SLC39A11: variants seen among roughly 807,000 people sequenced by gnomAD.
SLC39A11 encodes the protein solute carrier family 39 member 11.
Under a neutral mutation model 36.1 loss-of-function variants are expected in SLC39A11, and 33 were observed. That is an observed-to-expected ratio of 0.91 (90% CI 0.69 to 1.22). The LOEUF (loss-of-function observed/expected upper bound fraction) is 1.22. Among genes scored for constraint, SLC39A11 ranks in the 50% most tolerant of loss-of-function variants. The probability of loss-of-function intolerance (pLI) is 0.00; values close to 1 mark genes in which losing one functional copy is unlikely to be tolerated. For synonymous variants in SLC39A11, 166 were observed against 170.3 expected, an observed-to-expected ratio of 0.97 and a Z score of 0.20; for missense variants, 432 against 430.3, an observed-to-expected ratio of 1.00 and a Z score of -0.03.
intron 3 of SLC39A11, 141 bp from the exon 4 acceptor site, chr17:73,031,855 T>C (rs1021633933): frequency 2.7e-5 from 23 of 839,942 alleles, no homozygotes; most frequent in Admixed American, 1.5e-4. Flanking sequence ...TGGGAGGTAC[T>C]ATCAGAAACC....
chr17:72,750,402 C>T (rs1223657479), intron 6 of SLC39A11, among the ~76,000 whole-genome samples: 2 of 148,448 alleles, frequency 1.3e-5, no homozygotes, highest in Admixed American at 1.4e-4. Flanking sequence ...CTAGCACACA[C>T]TTGACTATGG....
chr17:72,963,336 A>G (rs1277978315), intron 4 of SLC39A11, among the ~76,000 whole-genome samples: 2 of 151,576 alleles, frequency 1.3e-5, no homozygotes, highest in African/African-American at 4.9e-5. Context: ...ACGCCCGGCT[A>G]ATTTTTTGTA....
At chr17:72,824,225 A>G (rs1251309665) in intron 6 of SLC39A11, among the ~76,000 whole-genome samples, 1 of 150,696 alleles carries the variant, frequency 6.6e-6, no homozygotes, top group African/African-American at 2.4e-5. Flanking sequence ...ATGAAATCTC[A>G]TTGTTTAAAA....
At chr17:72,651,416 G>A (rs958910297) in intron 7 of SLC39A11, among the ~76,000 whole-genome samples, 1 of 152,178 alleles carries the variant, frequency 6.6e-6, no homozygotes, top group African/African-American at 2.4e-5. Flanking sequence ...GAATGCATCA[G>A]GAGCCTGCAG....
chr17:72,690,517 T>A (rs999738037), intron 7 of SLC39A11, among the ~76,000 whole-genome samples: 3 of 152,220 alleles, frequency 2.0e-5, no homozygotes, highest in Non-Finnish European at 2.9e-5. Context: ...CACATGTGCA[T>A]GGCAGCATTA....
chr17:72,902,914 T>C (rs941835916), intron 5 of SLC39A11, among the ~76,000 whole-genome samples: 4 of 151,560 alleles, frequency 2.6e-5, no homozygotes, highest in Non-Finnish European at 5.9e-5. Flanking sequence ...TATTTTGTTT[T>C]TTGTTCTTCT....
At chr17:73,081,934 A>G (rs1191800351) in intron 3 of SLC39A11, among the ~76,000 whole-genome samples, 1 of 151,350 alleles carries the variant, frequency 6.6e-6, no homozygotes, top group African/African-American at 2.4e-5. Flanking sequence ...TAAGAATGAT[A>G]CAATGGACTC....
chr17:72,749,730 C>T (rs1464269384), intron 6 of SLC39A11, among the ~76,000 whole-genome samples: 1 of 152,102 alleles, frequency 6.6e-6, no homozygotes, highest in East Asian at 1.9e-4. Context: ...CCCCACACTG[C>T]ACACCGAAGG....
intron 3 of SLC39A11, among the ~76,000 whole-genome samples, chr17:73,074,495 C>T (rs1231229565): frequency 1.3e-5 from 2 of 152,100 alleles, no homozygotes; most frequent in East Asian, 3.8e-4. Context: ...GACAGGGTTT[C>T]ACCATGTTGG....
chr17:72,958,293 T>G (rs1162098063), intron 4 of SLC39A11, among the ~76,000 whole-genome samples: 1 of 152,224 alleles, frequency 6.6e-6, no homozygotes, highest in Admixed American at 6.5e-5. Context: ...TTCTAGACAT[T>G]GGTTTAGGCA....
intron 5 of SLC39A11, among the ~76,000 whole-genome samples, chr17:72,930,314 T>C (rs2084307514): frequency 6.6e-6 from 1 of 152,152 alleles, no homozygotes; most frequent in Non-Finnish European, 1.5e-5. Context: ...GTCCTATAAA[T>C]TGGTGAGCTA....
intron 3 of SLC39A11, among the ~76,000 whole-genome samples, chr17:73,040,381 C>T (rs2059066722): frequency 6.6e-6 from 1 of 152,164 alleles, no homozygotes; most frequent in Non-Finnish European, 1.5e-5. Flanking sequence ...AGGTACGCCT[C>T]CCTCTGCTGT....
At chr17:72,649,644 C>CTTTTTTTTTTTTTTT (rs5821920) in intron 7 of SLC39A11, among the ~76,000 whole-genome samples, 8 of 138,186 alleles carry the variant, frequency 5.8e-5, no homozygotes, top group South Asian at 2.3e-4. Context: ...TTTTCTTTTT[C>CTTTTTTTTTTTTTTT]TTTTTTTTTT....
chr17:72,907,895 G>A lies in SLC39A11; in HGVS notation c.430+39857C>T, dbSNP rs2082744536. Among the ~76,000 whole-genome samples, 3 of 152,350 alleles carry A rather than the reference G, an allele frequency of 2.0e-5. No homozygotes were observed. In the South Asian group the frequency reaches 6.2e-4, roughly 32 times the overall value. ...CCAAAGCGGGGCGTAGGGGAGAAGTGGAAGGAGGAGACAGGTCGTTCCTGG... is the reference window on the plus strand; with the variant it reads ...CCAAAGCGGGGCGTAGGGGAGAAGTAGAAGGAGGAGACAGGTCGTTCCTGG... On this transcript the variant is annotated intron_variant, in intron 5 of 9. Coordinates refer to ENST00000255559, the MANE Select transcript of SLC39A11 (RefSeq NM_139177.4).
intron 7 of SLC39A11, among the ~76,000 whole-genome samples, chr17:72,658,636 T>G (rs1265282863): frequency 6.6e-6 from 1 of 152,152 alleles, no homozygotes; most frequent in Admixed American, 6.5e-5. Context: ...AAAAAGGAGA[T>G]GCAGACAAGT....
At chr17:73,006,483 G>C (rs1218200160) in intron 4 of SLC39A11, among the ~76,000 whole-genome samples, 1 of 152,070 alleles carries the variant, frequency 6.6e-6, no homozygotes, top group Non-Finnish European at 1.5e-5. Flanking sequence ...GGATGGGGAG[G>C]GGAGAGACAG....
chr17:72,936,262 G>A (rs894214506), intron 5 of SLC39A11, among the ~76,000 whole-genome samples: 8 of 151,886 alleles, frequency 5.3e-5, no homozygotes, highest in Admixed American at 4.6e-4. Flanking sequence ...TATTTCACAG[G>A]GTTTTTGAGA....
Position 72,960,679 on chromosome 17 carries a change from T to C in SLC39A11, c.307-12804A>G, listed in dbSNP as rs1466447055. Among the ~76,000 whole-genome samples the C allele has an allele frequency of 2.0e-5, 3 of 151,738 alleles. No homozygotes were observed. The East Asian group carries it at 5.8e-4, about 29-fold the overall frequency. On this transcript the variant is annotated intron_variant, in intron 4 of 9. Transcript: ENST00000255559. ...ATTTAATTAAATTAAAAAGCGGGTATAGTGGCATATCTCTGTGGTCCCAGC... is the reference window on the plus strand; with the variant it reads ...ATTTAATTAAATTAAAAAGCGGGTACAGTGGCATATCTCTGTGGTCCCAGC...
In SLC39A11 at chr17:72,837,956, G is replaced by A. The variant is rs542079739; in HGVS notation, c.601+11678C>T. 1.1e-5 allele frequency: 13 copies of A among 1,230,590 alleles called. No homozygotes were observed. In the African/African-American group the frequency reaches 1.9e-4, roughly 18 times the overall value. 76.2% of individuals were successfully genotyped at this position (1,230,590 alleles called of 1,614,324 possible). On this transcript the variant is annotated intron_variant, in intron 6 of 9. Transcript: ENST00000255559. ...TCCTCAGAGGTACTGCTCAAAGAGT[G>A]TGGGGTTTCTTTACAGGGTGATGAG...
Sources: gnomAD v4.1 joint callset for allele counts (sites outside exome capture counted in the v4.1 genomes callset) on GRCh38, gnomAD v4.1.1 for gene constraint, MANE v1.5 for transcripts, NCBI Gene and HGNC (gene_info 2026-07-23, HGNC 2026-07-21) for gene names.